The following ALDH7A1 variants were observed in gnomAD, a reference collection of about 807,000 sequenced individuals.
ALDH7A1 encodes alpha-aminoadipic semialdehyde dehydrogenase.
ALDH7A1 carries 63 observed loss-of-function variants against 79.9 expected under a neutral mutation model. The observed-to-expected ratio is 0.79, with a 90% CI of 0.64 to 0.97. ALDH7A1 has a LOEUF of 0.97. Among genes scored for constraint, ALDH7A1 ranks in the 50% least tolerant of loss-of-function variants. ALDH7A1 has a pLI of 0.00. For synonymous variants in ALDH7A1, 240 were observed against 231.2 expected (o/e 1.04, Z -0.34); for missense variants, 627 against 665.2 (o/e 0.94, Z 0.63).
intron 7 of ALDH7A1, among the ~76,000 whole-genome samples, chr5:126,573,867 TA>T (rs1267639375): frequency 1.3e-3 from 181 of 134,916 alleles, no homozygotes; most frequent in Middle Eastern, 4.1e-3. Context: ...ACTCTGTCTT[TA>T]AAAAAAAAAA....
chr5:126,584,095 G>T (rs1751273781), intron 3 of ALDH7A1, 83 bp from the exon 4 acceptor site: 2 of 1,168,600 alleles, frequency 1.7e-6, no homozygotes, highest in South Asian at 1.2e-5. Context: ...TGCTGTAAAA[G>T]AACAAATTAC....
At chr5:126,557,796 A>T (rs1750251061) in intron 11 of ALDH7A1, among the ~76,000 whole-genome samples, 5 of 152,122 alleles carry the variant, frequency 3.3e-5, no homozygotes, top group Admixed American at 2.6e-4. Context: ...CAACAATAAT[A>T]AAAAAGGCTC....
At chr5:126,592,921 A>G (rs1405477636) in intron 2 of ALDH7A1, among the ~76,000 whole-genome samples, 192 bp from the exon 3 acceptor site, 1 of 152,226 alleles carries the variant, frequency 6.6e-6, no homozygotes, top group Admixed American at 6.5e-5. Flanking sequence ...TTGGTATCCA[A>G]CTATGCTTTA....
At chr5:126,553,924 A>G (rs1195248517) in intron 13 of ALDH7A1, among the ~76,000 whole-genome samples, 1 of 151,966 alleles carries the variant, frequency 6.6e-6, no homozygotes, top group Non-Finnish European at 1.5e-5. Context: ...CCTGGCTAAC[A>G]TGGGAAACCC....
intron 5 of ALDH7A1, among the ~76,000 whole-genome samples, chr5:126,579,666 T>C (rs1029340933): frequency 1.1e-4 from 16 of 145,818 alleles, no homozygotes; most frequent in Non-Finnish European, 1.1e-4. Context: ...AAAAAAAAAA[T>C]AGAAGTGTAA....
chr5:126,560,988 T>C, intron 10 of ALDH7A1, 95 bp downstream of exon 10: 1 of 1,395,588 alleles, frequency 7.2e-7, no homozygotes, highest in East Asian at 2.3e-5. Flanking sequence ...ATATGCAACA[T>C]GGACGAAATG....
intron 11 of ALDH7A1, among the ~76,000 whole-genome samples, chr5:126,558,247 T>A (rs371261978): frequency 1.4e-5 from 2 of 142,336 alleles, no homozygotes; most frequent in Admixed American, 1.4e-4. Context: ...TTTAGTACCA[T>A]AAAGTCATGA....
intron 12 of ALDH7A1, 102 bp from the exon 13 acceptor site, chr5:126,554,495 T>C (rs1183826702): frequency 2.0e-5 from 17 of 864,512 alleles, no homozygotes; most frequent in Admixed American, 1.4e-4. Flanking sequence ...CCTTCCTATA[T>C]GCTCTCAATT....
chr5:126,591,927 CTTTTT>C lies in ALDH7A1; in HGVS notation c.312+732_312+736del, dbSNP rs535978673. ...CTGAGAAAGGGATGCTGCCACTGCT[CTTTTT>C]TTTTTTTTTTTTTTTGAGATGGAGT... On this transcript the variant is annotated intron_variant, in intron 3 of 17. Coordinates refer to ENST00000409134, the MANE Select transcript of ALDH7A1 (RefSeq NM_001182.5). 8 of 131,290 alleles carry C rather than the reference CTTTTT, an allele frequency of 6.1e-5. No homozygotes were observed. The East Asian group carries it at 8.6e-4, about 14-fold the overall frequency. The allele number at this position is 131,290 out of a possible 1,614,324, so 8.1% of individuals were successfully genotyped here. A position where few individuals can be genotyped will look rare whatever the true frequency, so the allele number is the denominator to read the frequency against.
chr5:126,592,592 GT>G, intron 3 of ALDH7A1, 71 bp downstream of exon 3: 1 of 1,473,930 alleles, frequency 6.8e-7, no homozygotes, highest in Middle Eastern at 1.8e-4. Flanking sequence ...CTTATCAGAT[GT>G]TTATGTATCT....
intron 8 of ALDH7A1, chr5:126,568,962 C>T (rs752042717): frequency 1.3e-5 from 2 of 154,610 alleles, no homozygotes; most frequent in Non-Finnish European, 2.9e-5. Flanking sequence ...AGAATTCAAA[C>T]TTAAAAGCCT....
chr5:126,580,414 T>A (rs769218978), intron 5 of ALDH7A1, among the ~76,000 whole-genome samples: 14 of 151,916 alleles, frequency 9.2e-5, no homozygotes, highest in Non-Finnish European at 1.5e-4. Flanking sequence ...TTTTCTTAGC[T>A]AGAAAAAAAC....
chr5:126,573,116 C>CAAAAAAAAAA (rs11290126), intron 7 of ALDH7A1, among the ~76,000 whole-genome samples: 1 of 95,208 alleles, frequency 1.1e-5, no homozygotes, highest in African/African-American at 3.8e-5. Flanking sequence ...CCATTTAAAG[C>CAAAAAAAAAA]AAAAAAAAAA....
intron 7 of ALDH7A1, chr5:126,571,187 G>C: frequency 3.7e-6 from 1 of 270,106 alleles, no homozygotes; most frequent in Non-Finnish European, 6.8e-6. Context: ...AGCCCTAAAA[G>C]AATCTTGAGG....
chr5:126,559,441 T>G (rs1216249966), intron 10 of ALDH7A1, 107 bp from the exon 11 acceptor site: 22 of 826,612 alleles, frequency 2.7e-5, no homozygotes, highest in Middle Eastern at 2.3e-4. Context: ...TTGGTTTTTT[T>G]TTTTTTTTTT....
chr5:126,572,134 A>G (rs1344031388), intron 7 of ALDH7A1, among the ~76,000 whole-genome samples: 3 of 152,210 alleles, frequency 2.0e-5, no homozygotes, highest in Admixed American at 6.5e-5. Flanking sequence ...ATTTTCATCA[A>G]TCATCTCAAC....
At chr5:126,559,800 C>T (rs187602717) in intron 10 of ALDH7A1, among the ~76,000 whole-genome samples, 17 of 152,102 alleles carry the variant, frequency 1.1e-4, no homozygotes, top group Admixed American at 3.9e-4. Context: ...ATGCACGTTA[C>T]GAAGACATAT....
chr5:126,585,673 T>C (rs1456342023), intron 3 of ALDH7A1, among the ~76,000 whole-genome samples: 1 of 152,212 alleles, frequency 6.6e-6, no homozygotes, highest in Admixed American at 6.5e-5. Flanking sequence ...GTGATTCTCC[T>C]GCCTCAGCCT....
At chr5:126,572,614 G>A (rs1156576996) in intron 7 of ALDH7A1, among the ~76,000 whole-genome samples, 2 of 152,330 alleles carry the variant, frequency 1.3e-5, no homozygotes, top group African/African-American at 4.8e-5. Flanking sequence ...GTATCTATGA[G>A]CTATTAATGG....
Sources: allele counts gnomAD v4.1 joint callset (sites outside exome capture counted in the v4.1 genomes callset), GRCh38; gene constraint gnomAD v4.1.1; transcripts MANE v1.5; gene names NCBI Gene and HGNC (gene_info 2026-07-23, HGNC 2026-07-21).